Variants in KIAA1549 observed in about 807,000 individuals in gnomAD.
KIAA1549 encodes UPF0606 protein KIAA1549.
Under a neutral mutation model 156.4 loss-of-function variants are expected in KIAA1549, and 70 were observed. The observed-to-expected ratio is 0.45, with a 90% CI of 0.37 to 0.55. KIAA1549 has a LOEUF of 0.55. Among genes scored for constraint, KIAA1549 ranks in the 20% least tolerant of loss-of-function variants. The pLI is 0.00. For missense variants in KIAA1549, 2,428 were observed against 2,540.9 expected (o/e 0.96, Z 0.96); for synonymous variants, 1,103 against 1,066.4 (o/e 1.03, Z -0.67).
In KIAA1549 at chr7:138,948,638, T is replaced by C. The variant is rs552917717; in HGVS notation, c.188-29200A>G. Among the ~76,000 whole-genome samples the C allele has an allele frequency of 9.2e-5, 14 of 152,110 alleles. 3 individuals carry two copies. The highest frequency in any genetic ancestry group is 3.4e-4 in the African/African-American group (14 of 41,498). On this transcript the variant is annotated intron_variant, in intron 1 of 19. Transcript: ENST00000422774. ...TCCCTACAGCCAAGCAAAAGAGTCA[T>C]TGTTCCATGACAGTGCAGTGGTTTA... is the stretch of plus-strand genomic sequence containing the variant.
chr7:138,927,471 C>CTA (rs987962100), intron 1 of KIAA1549, among the ~76,000 whole-genome samples: 20 of 152,206 alleles, frequency 1.3e-4, no homozygotes, highest in African/African-American at 4.6e-4. Flanking sequence ...AACCCTGTCT[C>CTA]TACTAAAAAT....
In KIAA1549 at chr7:138,950,791, C is replaced by T. The variant is rs7788440; in HGVS notation, c.187+30292G>A. On this transcript the variant is annotated intron_variant, in intron 1 of 19. Transcript: ENST00000422774. Reference sequence around the variant, plus strand: ...GTGGCTCCAGGACTCTGGATCTCCCCGGGGGCTGAAACCTTTCATCAGATG... The same window carrying T: ...GTGGCTCCAGGACTCTGGATCTCCCTGGGGGCTGAAACCTTTCATCAGATG... 8.5e-3 allele frequency among the ~76,000 whole-genome samples: 1,296 copies of T among 152,208 alleles called. 12 individuals carry two copies. Among genetic ancestry groups the T allele is most frequent in the African/African-American group, 0.029 (1,199 of 41,522 alleles).
At chr7:138,921,084 T>C (rs1405096900) in intron 1 of KIAA1549, among the ~76,000 whole-genome samples, 1 of 152,122 alleles carries the variant, frequency 6.6e-6, no homozygotes, top group Non-Finnish European at 1.5e-5. Flanking sequence ...ACAACGGAGA[T>C]GAGGGACAAG....
At chr7:138,956,556 T>C (rs534961769) in intron 1 of KIAA1549, among the ~76,000 whole-genome samples, 30 of 152,250 alleles carry the variant, frequency 2.0e-4, no homozygotes, top group African/African-American at 6.3e-4. Context: ...CGAGATCTGA[T>C]GGTTTTATAA....
chr7:138,912,091 C>T (rs1474001536), intron 3 of KIAA1549, among the ~76,000 whole-genome samples: 1 of 152,158 alleles, frequency 6.6e-6, no homozygotes, highest in East Asian at 1.9e-4. Flanking sequence ...AGGCTGTCAC[C>T]CCAGACTGCT....
chr7:138,912,229 G>A (rs1165139447), intron 3 of KIAA1549, 143 bp downstream of exon 3: 4 of 703,160 alleles, frequency 5.7e-6, no homozygotes, highest in African/African-American at 3.5e-5. Context: ...TCCAGAGGAT[G>A]AGCAGGACTT....
At position 138,899,161 on chromosome 7, in the gene KIAA1549, G is replaced by A. The variant is rs766507176; in HGVS notation, c.3670-29C>T. 7 of 1,603,654 alleles carry A rather than the reference G, an allele frequency of 4.4e-6. No individual in the cohort carries two copies. The East Asian group carries it at 1.6e-4, about 36-fold the overall frequency. ...AAAGATAGCAGAAACCATTCACATT[G>A]CAGAAGCTCATGTTTCTAGATGCCC... On this transcript the variant is annotated intron_variant, in intron 8 of 19. Transcript: ENST00000422774.
intron 15 of KIAA1549, 64 bp downstream of exon 15, chr7:138,867,911 T>C: frequency 6.4e-7 from 1 of 1,562,004 alleles, no homozygotes; most frequent in Non-Finnish European, 8.8e-7. Context: ...CTCCTCCCCT[T>C]TCAGCGCATC....
At position 138,917,165 on chromosome 7, in the gene KIAA1549, G is replaced by A; in HGVS notation, c.2461C>T (p.His821Tyr). 2 of 1,613,938 alleles carry A rather than the reference G, an allele frequency of 1.2e-6. No individual in the cohort carries two copies. Among genetic ancestry groups the A allele is most frequent in the Non-Finnish European group, 1.7e-6 (2 of 1,179,878 alleles). ...PDDQISALDG[H>Y]VSVLASFSKA... ...GAGAAAGAGGCCAGGACAGACACGT[G>A]ACCGTCTAGAGCACTGATTTGGTCG... Residue 821 changes from histidine (H) to tyrosine (Y), a missense_variant, in exon 2 of 20, where the codon CAC (histidine) becomes TAC (tyrosine). His to Tyr is a moderately conservative substitution (Grantham distance 83). Transcript: ENST00000422774.
intron 7 of KIAA1549, 111 bp from the exon 8 acceptor site, chr7:138,903,847 G>C: frequency 2.0e-6 from 1 of 511,458 alleles, no homozygotes; most frequent in Non-Finnish European, 2.8e-6. Context: ...GTGTGTGTGT[G>C]TGTGTGCGCG....
chr7:138,956,467 G>A (rs930040623), intron 1 of KIAA1549, among the ~76,000 whole-genome samples: 1 of 152,168 alleles, frequency 6.6e-6, no homozygotes, highest in African/African-American at 2.4e-5. Flanking sequence ...CATGTGTTGT[G>A]GGAGGGATCT....
At chr7:138,879,773 C>G in intron 11 of KIAA1549, 120 bp from the exon 12 acceptor site, 1 of 646,116 alleles carries the variant, frequency 1.5e-6, no homozygotes, top group South Asian at 1.9e-5. Flanking sequence ...TGAAACGGTC[C>G]AAAAAATTAT....
chr7:138,868,467 G>A (rs186342951), intron 14 of KIAA1549, among the ~76,000 whole-genome samples: 7 of 152,116 alleles, frequency 4.6e-5, no homozygotes, highest in Admixed American at 6.5e-5. Context: ...TCATACCGTC[G>A]CCCAGGGTGG....
At chr7:138,898,425 C>A (rs1811751050) in intron 9 of KIAA1549, among the ~76,000 whole-genome samples, 1 of 152,026 alleles carries the variant, frequency 6.6e-6, no homozygotes, top group African/African-American at 2.4e-5. Context: ...TTCAAAATAC[C>A]TCTGTCTACA....
In KIAA1549 at chr7:138,919,250, C is replaced by T; in HGVS notation, c.376G>A (p.Gly126Arg). 2.5e-6 allele frequency: 4 copies of T among 1,613,996 alleles called. No individual in the cohort carries two copies. Among genetic ancestry groups the T allele is most frequent in the Non-Finnish European group, 3.4e-6 (4 of 1,179,898 alleles). Residue 126 changes from glycine (G) to arginine (R), a missense_variant, in exon 2 of 20, where the codon GGA becomes AGA. Coordinates refer to ENST00000422774, the MANE Select transcript of KIAA1549 (RefSeq NM_001164665.2). ...TCTGCTGTACTTTTGGTCTGTTTTC[C>T]TTGGTTAAAAAAGGCTGTATCAAAA... Reference protein sequence around the residue: ...TTFDTAFFNQGKQTKSTADPS... With the variant: ...TTFDTAFFNQRKQTKSTADPS...
Position 138,831,760 on chromosome 7 carries a change from G to C in KIAA1549, c.*6146C>G. Reference sequence around the variant, plus strand: ...AAAACATGGACCTTGACAAAGGAGGGAGAGACAAGTCAGTACTCCAGGGCA... The same window carrying C: ...AAAACATGGACCTTGACAAAGGAGGCAGAGACAAGTCAGTACTCCAGGGCA... On this transcript the variant is annotated 3_prime_UTR_variant, in exon 20 of 20. Coordinates refer to ENST00000422774, the MANE Select transcript of KIAA1549 (RefSeq NM_001164665.2). 1 of 232,180 alleles carries C rather than the reference G, an allele frequency of 4.3e-6. No homozygotes were observed. Among genetic ancestry groups the C allele is most frequent in the South Asian group, 1.8e-4 (1 of 5,522 alleles). 14.4% of individuals were successfully genotyped at this position (232,180 alleles called of 1,614,324 possible).
At chr7:138,953,008 T>C (rs975497037) in intron 1 of KIAA1549, among the ~76,000 whole-genome samples, 1 of 152,256 alleles carries the variant, frequency 6.6e-6, no homozygotes, top group Non-Finnish European at 1.5e-5. Flanking sequence ...TCTTTTAAGA[T>C]GAGAAGTGAT....
intron 15 of KIAA1549, among the ~76,000 whole-genome samples, 193 bp from the exon 16 acceptor site, chr7:138,861,649 C>G (rs567964287): frequency 4.9e-5 from 7 of 142,828 alleles, no homozygotes; most frequent in African/African-American, 1.8e-4. Context: ...GCCAGGAGTT[C>G]GAGACCAGCC....
chr7:138,918,388 G>A lies in KIAA1549; in HGVS notation c.1238C>T (p.Ser413Phe), dbSNP rs1017830269. Residue 413 changes from serine (S) to phenylalanine (F), a missense_variant, in exon 2 of 20, where the codon TCC (serine) becomes TTC (phenylalanine). Physicochemically the swap from Ser to Phe is radical, Grantham distance 155 (BLOSUM62 -2). Coordinates refer to ENST00000422774, the MANE Select transcript of KIAA1549 (RefSeq NM_001164665.2). The surrounding 1 kb of genome is among the most constrained non-coding windows in gnomAD (Gnocchi z 4.2). ...ACACCAAGTGTATGGTCTGAATGAG[G>A]ACACCGGGCTCAGGATATGAGTGTT... is the stretch of plus-strand genomic sequence containing the variant. Reference protein sequence around the residue: ...VDNTHILSPVSSFRPYTWCAA... With the variant: ...VDNTHILSPVFSFRPYTWCAA... The A allele has an allele frequency of 3.7e-6, 6 of 1,613,868 alleles. No homozygotes were observed. In the Admixed American group the frequency reaches 5.0e-5, roughly 13 times the overall value.
Sources: allele counts gnomAD v4.1 joint callset (sites outside exome capture counted in the v4.1 genomes callset), GRCh38; gene constraint gnomAD v4.1.1; non-coding constraint Gnocchi (gnomAD v3.1); transcripts MANE v1.5; gene names NCBI Gene and HGNC (gene_info 2026-07-23, HGNC 2026-07-21).